Variants in TERF2IP observed in about 807,000 individuals in gnomAD.
The protein encoded by TERF2IP is telomeric repeat-binding factor 2-interacting protein 1.
A neutral mutation model predicts 33.3 loss-of-function variants in TERF2IP; 35 were observed. The ratio of observed to expected loss-of-function variants is 1.05; its 90% confidence interval spans 0.80 to 1.39. The LOEUF is 1.39. TERF2IP is among the 40% of genes most tolerant of loss of function. The probability of loss-of-function intolerance (pLI) is 0.00; values close to 1 mark genes in which losing one functional copy is unlikely to be tolerated. For missense variants in TERF2IP, 583 were observed against 524.8 expected, an observed-to-expected ratio of 1.11 and a Z score of -1.08; for synonymous variants, 253 against 223.2, an observed-to-expected ratio of 1.13 and a Z score of -1.19.
At chr16:75,650,708 G>C (rs1427030880) in intron 1 of TERF2IP, among the ~76,000 whole-genome samples, 1 of 151,864 alleles carries the variant, frequency 6.6e-6, no homozygotes, top group African/African-American at 2.4e-5. Context: ...GCTAATTTTT[G>C]TATTTTTTTG....
rs2082391455 is a variant in TERF2IP at position 75,656,953 on chromosome 16, G to GCATA, written c.*343_*346dup. 1 of 199,508 alleles carries GCATA rather than the reference G, an allele frequency of 5.0e-6. No individual in the cohort carries two copies. The highest frequency in any genetic ancestry group is 2.4e-5 in the African/African-American group (1 of 42,454). The allele number at this position is 199,508 out of a possible 1,614,324, so 12.4% of individuals were successfully genotyped here. On this transcript the variant is annotated 3_prime_UTR_variant, in exon 3 of 3. Coordinates refer to ENST00000300086, the MANE Select transcript of TERF2IP (RefSeq NM_018975.4). ...GACAAAGTGAAAGGAAATTTAGGAGGCATAGGCCATTTCAGGCAGCATAAG... is the reference window on the plus strand; with the variant it reads ...GACAAAGTGAAAGGAAATTTAGGAGGCATACATAGGCCATTTCAGGCAGCATAAG...
chr16:75,654,148 TAAAAAAAAAAAAAAA>T (rs34359798), intron 1 of TERF2IP, 110 bp from the exon 2 acceptor site: 7 of 290,486 alleles, frequency 2.4e-5, no homozygotes, highest in Non-Finnish European at 3.6e-5. Context: ...CTTCTGATAG[TAAAAAAAAAAAAAAA>T]AAAAAAAAAA....
chr16:75,653,770 T>C (rs181326340), intron 1 of TERF2IP, among the ~76,000 whole-genome samples: 1 of 152,288 alleles, frequency 6.6e-6, no homozygotes, highest in African/African-American at 2.4e-5. Context: ...CTGAAGGGCC[T>C]TCCTAGCTCC....
At position 75,656,115 on chromosome 16, in the gene TERF2IP, A is replaced by G. The variant is rs2082383534; in HGVS notation, c.796-92A>G. ...GAAGTCCAGTGTGATTGGAATGCAG[A>G]GGGCAAGGGGGTGATAGTTGGAAGA... On this transcript the variant is annotated intron_variant, in intron 2 of 2. Coordinates refer to ENST00000300086, the MANE Select transcript of TERF2IP (RefSeq NM_018975.4). 3 of 1,273,594 alleles carry G rather than the reference A, an allele frequency of 2.4e-6. No homozygotes were observed. The South Asian group carries it at 4.4e-5, about 19-fold the overall frequency. The allele number at this position is 1,273,594 out of a possible 1,614,324, so 78.9% of individuals were successfully genotyped here.
chr16:75,654,435 C>T, intron 2 of TERF2IP, 38 bp downstream of exon 2: 1 of 1,597,524 alleles, frequency 6.3e-7, no homozygotes, highest in Non-Finnish European at 8.6e-7. Context: ...TTTTTCCCTA[C>T]CTTCATTCTT....
Position 75,648,249 on chromosome 16 carries a change from G to GCGGAGC in TERF2IP, c.376_381dup (p.Glu126_Pro127dup). ...GCCCGGGGCCCTGGCCGAGGGCGCC[G>GCGGAGC]CGGAGCCGGAGCCGCAGCGGCACGC... On this transcript the variant is annotated inframe_insertion, in exon 1 of 3. Coordinates refer to ENST00000300086, the MANE Select transcript of TERF2IP (RefSeq NM_018975.4). 3 of 1,545,936 alleles carry GCGGAGC rather than the reference G, an allele frequency of 1.9e-6. No homozygotes were observed. The highest frequency in any genetic ancestry group is 2.6e-6 in the Non-Finnish European group (3 of 1,145,090).
rs755256067 is a variant in TERF2IP, at chr16:75,648,516, A to C, written c.634A>C (p.Lys212Gln). The C allele has an allele frequency of 1.3e-6, 2 of 1,577,860 alleles. No individual in the cohort carries two copies. Among genetic ancestry groups the C allele is most frequent in the Admixed American group, 1.8e-5 (1 of 54,520 alleles). The change falls in exon 1 of 3, where the codon AAG (lysine) becomes CAG (glutamine). Residue 212 changes from lysine to glutamine, a missense_variant. Coordinates refer to ENST00000300086, the MANE Select transcript of TERF2IP (RefSeq NM_018975.4). ...CCCCTCCTCCCAGAAGCTCAAGCGGAAGGCGGAGGAGGACCCGGAGGCCGC... is the reference window on the plus strand; with the variant it reads ...CCCCTCCTCCCAGAAGCTCAAGCGGCAGGCGGAGGAGGACCCGGAGGCCGC... ...VSPSSQKLKR[K>Q]AEEDPEAADS... is the part of the protein sequence containing the mutation.
intron 1 of TERF2IP, among the ~76,000 whole-genome samples, chr16:75,650,604 C>T (rs2082340046): frequency 6.6e-6 from 1 of 152,112 alleles, no homozygotes; most frequent in Non-Finnish European, 1.5e-5. Context: ...AGTGCGATCA[C>T]GGCTCACTGC....
In TERF2IP at chr16:75,648,219, G is replaced by A; in HGVS notation, c.337G>A (p.Ala113Thr). The stretch of plus-strand genomic sequence containing the variant: ...CTCGGCGGCGGACACCGGCTCGGAA[G>A]CAAAGCCCGGGGCCCTGGCCGAGGG... Reference protein sequence around the residue: ...PASAADTGSEAKPGALAEGAA... With the variant: ...PASAADTGSETKPGALAEGAA... Residue 113 changes from alanine to threonine, a missense_variant, in exon 1 of 3, where the codon GCA becomes ACA. Transcript: ENST00000300086. The A allele has an allele frequency of 6.5e-7, 1 of 1,545,342 alleles. No homozygotes were observed.
chr16:75,648,174 G>T lies in TERF2IP; in HGVS notation c.292G>T (p.Ala98Ser), dbSNP rs1298428861. Residue 98 changes from alanine to serine, a missense_variant, in exon 1 of 3, where the codon GCC becomes TCC. Physicochemically the swap from Ala to Ser is moderately conservative, Grantham distance 99. Coordinates refer to ENST00000300086, the MANE Select transcript of TERF2IP (RefSeq NM_018975.4). ...GCGCAACGAGAGGCTGGAGCTGGAG[G>T]CCTATCGGCTGGGCCCCGCCTCGGC... ...VERNERLELE[A>S]YRLGPASAAD... The T allele has an allele frequency of 1.3e-6, 2 of 1,563,994 alleles. No homozygotes were observed. The highest frequency in any genetic ancestry group is 8.6e-7 in the Non-Finnish European group (1 of 1,157,184).
At chr16:75,655,854 T>G (rs547129257) in intron 2 of TERF2IP, among the ~76,000 whole-genome samples, 1 of 152,324 alleles carries the variant, frequency 6.6e-6, no homozygotes, top group South Asian at 2.1e-4. Flanking sequence ...TGAACATGTG[T>G]GCACATATAT....
At position 75,656,274 on chromosome 16, in the gene TERF2IP, A is replaced by T. The variant is rs569875410; in HGVS notation, c.863A>T (p.Glu288Val). ...TGTGATGATGATCCACCCACACCTGAGGAAGACTCAGAAACACAGCCTGAT... is the reference window on the plus strand; with the variant it reads ...TGTGATGATGATCCACCCACACCTGTGGAAGACTCAGAAACACAGCCTGAT... ...TMCDDDPPTP[E>V]EDSETQPDEE... The change falls in exon 3 of 3, where the codon GAG (glutamate) becomes GTG (valine). Residue 288 changes from glutamate to valine, a missense_variant. Glu to Val is a moderately radical substitution (Grantham distance 121). Transcript: ENST00000300086. The T allele has an allele frequency of 3.7e-6, 6 of 1,614,226 alleles. No individual in the cohort carries two copies. In the South Asian group the frequency reaches 6.6e-5, roughly 18 times the overall value.
Position 75,654,380 on chromosome 16 carries a change from G to T in TERF2IP, c.778G>T (p.Glu260Ter). The T allele has an allele frequency of 6.2e-7, 1 of 1,613,552 alleles. No homozygotes were observed. Among genetic ancestry groups the T allele is most frequent in the Non-Finnish European group, 8.5e-7 (1 of 1,179,714 alleles). The change falls in exon 2 of 3, where the codon GAG becomes TAG. Residue 260 changes from glutamate to a stop codon, truncating the protein, a stop_gained. Coordinates refer to ENST00000300086, the MANE Select transcript of TERF2IP (RefSeq NM_018975.4). LOFTEE classifies it high-confidence loss of function. Reference sequence around the variant, plus strand: ...AAAGATGCTTGTGGAAGCCACCCGGGAGTTTGAGGAGGTTGTGGTATGTTA... The same window carrying T: ...AAAGATGCTTGTGGAAGCCACCCGGTAGTTTGAGGAGGTTGTGGTATGTTA... ...VKKMLVEATR[E>*]FEEVVVDESP...
At chr16:75,650,290 A>G (rs1409434351) in intron 1 of TERF2IP, among the ~76,000 whole-genome samples, 1 of 152,208 alleles carries the variant, frequency 6.6e-6, no homozygotes, top group African/African-American at 2.4e-5. Context: ...ATGTTTAAGC[A>G]GAGACCGAAG....
chr16:75,652,436 T>G (rs75228229), intron 1 of TERF2IP, among the ~76,000 whole-genome samples: 1,915 of 152,314 alleles, frequency 0.013, 48 homozygotes, highest in African/African-American at 0.043. Flanking sequence ...AAATACAGAA[T>G]AGTATAATGA....
intron 2 of TERF2IP, among the ~76,000 whole-genome samples, chr16:75,655,081 A>G: frequency 6.6e-6 from 1 of 152,178 alleles, no homozygotes; most frequent in East Asian, 1.9e-4. Context: ...CAGTGGTGCC[A>G]TCTCAGCTCA....
At chr16:75,649,900 A>G (rs1156743361) in intron 1 of TERF2IP, among the ~76,000 whole-genome samples, 2 of 152,198 alleles carry the variant, frequency 1.3e-5, no homozygotes, top group Non-Finnish European at 2.9e-5. Context: ...ACTTAAACCG[A>G]TAGACCCTTT....
At chr16:75,651,534 C>T (rs923046057) in intron 1 of TERF2IP, among the ~76,000 whole-genome samples, 5 of 152,108 alleles carry the variant, frequency 3.3e-5, no homozygotes, top group African/African-American at 9.7e-5. Context: ...CTAAAAACTA[C>T]AAAAACTATC....
intron 1 of TERF2IP, 111 bp from the exon 2 acceptor site, chr16:75,654,148 TAAAAAAAAAAAAAA>T (rs34359798): frequency 1.0e-5 from 3 of 290,486 alleles, no homozygotes; most frequent in East Asian, 7.7e-5. Context: ...CTTCTGATAG[TAAAAAAAAAAAAAA>T]AAAAAAAAAA....
Sources: allele counts gnomAD v4.1 joint callset (sites outside exome capture counted in the v4.1 genomes callset), GRCh38; gene constraint gnomAD v4.1.1; transcripts MANE v1.5; gene names NCBI Gene and HGNC (gene_info 2026-07-23, HGNC 2026-07-21).